The following TMTC4 variants were observed in gnomAD, a reference collection of about 807,000 sequenced individuals.
TMTC4 encodes the protein protein O-mannosyl-transferase TMTC4.
TMTC4 carries 65 observed loss-of-function variants against 86.0 expected under a neutral mutation model. That is an observed-to-expected ratio of 0.76 (90% CI 0.62 to 0.93). TMTC4 has a LOEUF of 0.93. Among genes scored for constraint, TMTC4 ranks in the 40% least tolerant of loss-of-function variants. TMTC4 has a pLI of 0.00. For synonymous variants in TMTC4, 379 were observed against 382.5 expected (o/e 0.99, Z 0.11); for missense variants, 866 against 948.1 (o/e 0.91, Z 1.14).
chr13:100,621,884 C>T (rs549078415), intron 15 of TMTC4, among the ~76,000 whole-genome samples: 1 of 152,188 alleles, frequency 6.6e-6, no homozygotes, highest in Non-Finnish European at 1.5e-5. Flanking sequence ...TCCTCCACCC[C>T]ACCCCTATTC....
intron 3 of TMTC4, among the ~76,000 whole-genome samples, chr13:100,664,648 C>A (rs886650172): frequency 1.3e-5 from 2 of 152,138 alleles, no homozygotes; most frequent in African/African-American, 4.8e-5. Context: ...GGGCTCTGCA[C>A]GTGCGGGTCA....
At chr13:100,660,115 G>C (rs933205289) in intron 5 of TMTC4, among the ~76,000 whole-genome samples, 4 of 151,660 alleles carry the variant, frequency 2.6e-5, no homozygotes, top group Admixed American at 2.6e-4. Flanking sequence ...TGGATCACTT[G>C]GGGCCAAGAG....
chr13:100,617,545 T>C (rs1402490324), intron 15 of TMTC4, among the ~76,000 whole-genome samples: 1 of 152,238 alleles, frequency 6.6e-6, no homozygotes, highest in African/African-American at 2.4e-5. Context: ...CTTTTGCGTA[T>C]GGCTAGCCAG....
intron 6 of TMTC4, among the ~76,000 whole-genome samples, chr13:100,645,534 T>C (rs141699482): frequency 0.012 from 1,790 of 151,054 alleles, 28 homozygotes; most frequent in African/African-American, 0.042. Context: ...CCTCTCCATG[T>C]CCCTGACTGC....
At chr13:100,648,821 A>C (rs1884070568) in intron 6 of TMTC4, among the ~76,000 whole-genome samples, 1 of 152,230 alleles carries the variant, frequency 6.6e-6, no homozygotes, top group Non-Finnish European at 1.5e-5. Context: ...CTGGGACCAC[A>C]GGCACATGCC....
intron 12 of TMTC4, among the ~76,000 whole-genome samples, chr13:100,628,469 C>T (rs192132831): frequency 2.6e-5 from 4 of 152,272 alleles, no homozygotes; most frequent in African/African-American, 7.2e-5. Context: ...GTGTACAAAT[C>T]TCTCTGAGTC....
chr13:100,669,341 A>G (rs1886782853), intron 2 of TMTC4, among the ~76,000 whole-genome samples: 1 of 152,074 alleles, frequency 6.6e-6, no homozygotes. Flanking sequence ...TCGAACAGAG[A>G]AATCCTAAGG....
chr13:100,611,226 T>G (rs913431587), intron 17 of TMTC4, among the ~76,000 whole-genome samples: 1 of 152,226 alleles, frequency 6.6e-6, no homozygotes, highest in African/African-American at 2.4e-5. Context: ...AAGGTATTTC[T>G]CTTAAGAAAC....
intron 2 of TMTC4, among the ~76,000 whole-genome samples, 194 bp from the exon 3 acceptor site, chr13:100,668,988 T>C (rs1369562735): frequency 6.6e-6 from 1 of 152,196 alleles, no homozygotes; most frequent in African/African-American, 2.4e-5. Flanking sequence ...GATTCCTGGG[T>C]CCGACCACAG....
In TMTC4 at chr13:100,642,286, G is replaced by A. The variant is rs755080970; in HGVS notation, c.666C>T (p.Ser222=). The part of the protein sequence containing the change: ...RESNKEGAHS[S]TFWVLLSIFL... ...AGATACTCAGCAGCACCCAGAAGGT[G>A]GAAGAATGCGCTCCCTCCTTGTTAC... Residue 222 remains serine, a synonymous_variant, in exon 7 of 19, where the codon TCC becomes TCT. Coordinates refer to ENST00000342624, the MANE Select transcript of TMTC4 (RefSeq NM_032813.5). 1.2e-6 allele frequency: 2 copies of A among 1,614,222 alleles called. No homozygotes were observed. Among genetic ancestry groups the A allele is most frequent in the South Asian group, 2.2e-5 (2 of 91,092 alleles).
Position 100,637,279 on chromosome 13 carries a change from CTGA to C in TMTC4, c.999+256_999+258del, listed in dbSNP as rs561152441. On this transcript the variant is annotated intron_variant, in intron 9 of 18. Transcript: ENST00000342624. ...CCCTTTCACGGGACTGGCAAGGACC[CTGA>C]TGTGAGAAGGAACCACCCTCTTTAC... Among the ~76,000 whole-genome samples, 291 of 152,164 alleles carry C rather than the reference CTGA, an allele frequency of 1.9e-3. 2 individuals are homozygous for C. Among genetic ancestry groups the C allele is most frequent in the Non-Finnish European group, 1.6e-3 (110 of 68,004 alleles).
intron 12 of TMTC4, among the ~76,000 whole-genome samples, chr13:100,629,402 T>C (rs1881012164): frequency 6.6e-6 from 1 of 151,988 alleles, no homozygotes; most frequent in African/African-American, 2.4e-5. Context: ...GTGATCGCGG[T>C]CTTTCCTCAC....
rs374396567 is a variant in TMTC4 at position 100,635,053 on chromosome 13, C to T, written c.1345G>A (p.Gly449Arg). ...TTCTTGGTATGTTTGCTCAGGGCTC[C>T]GAATCCAAAAGTCAGCAGCACACAG... Reference protein sequence around the residue: ...GYCVLLTFGFGALSKHTKKKK... With the variant: ...GYCVLLTFGFRALSKHTKKKK... The change falls in exon 11 of 19, where the codon GGA becomes AGA. Residue 449 changes from glycine (G) to arginine (R), a missense_variant. Transcript: ENST00000342624. 1.2e-5 allele frequency: 19 copies of T among 1,612,792 alleles called. No homozygotes were observed. Among genetic ancestry groups the T allele is most frequent in the African/African-American group, 2.7e-5 (2 of 74,824 alleles).
At position 100,619,355 on chromosome 13, in the gene TMTC4, A is replaced by ACC. The variant is rs1476010337; in HGVS notation, c.1837-4926_1837-4925insGG. On this transcript the variant is annotated intron_variant, in intron 15 of 18. Coordinates refer to ENST00000342624, the MANE Select transcript of TMTC4 (RefSeq NM_032813.5). Reference sequence around the variant, plus strand: ...CACACACACACACACACACACACACACACACACACACACACACACAGTGAT... The same window carrying ACC: ...CACACACACACACACACACACACACACCCACACACACACACACACACAGTGAT... 1.2e-4 allele frequency among the ~76,000 whole-genome samples: 18 copies of ACC among 151,918 alleles called. No homozygotes were observed. The East Asian group carries it at 2.9e-3, about 24-fold the overall frequency.
intron 3 of TMTC4, among the ~76,000 whole-genome samples, chr13:100,665,361 G>A (rs1028803685): frequency 6.6e-6 from 1 of 152,304 alleles, no homozygotes; most frequent in Non-Finnish European, 1.5e-5. Flanking sequence ...CACTTCCCCG[G>A]GTTGTCCATC....
At chr13:100,619,301 T>G (rs943538819) in intron 15 of TMTC4, among the ~76,000 whole-genome samples, 8 of 150,720 alleles carry the variant, frequency 5.3e-5, no homozygotes, top group Non-Finnish European at 1.0e-4. Context: ...AATGGCTAGC[T>G]CTCAATTTGC....
At chr13:100,643,843 T>C (rs1883355560) in intron 6 of TMTC4, among the ~76,000 whole-genome samples, 1 of 152,136 alleles carries the variant, frequency 6.6e-6, no homozygotes, top group Non-Finnish European at 1.5e-5. Flanking sequence ...GATGCAGTAG[T>C]CAAGTGGGTG....
At chr13:100,606,549 C>A (rs1371250823) in intron 17 of TMTC4, 122 bp from the exon 18 acceptor site, 2 of 768,060 alleles carry the variant, frequency 2.6e-6, no homozygotes, top group Non-Finnish European at 4.2e-6. Context: ...ATGCATTCCT[C>A]CAGAAACACT....
Position 100,666,078 on chromosome 13 carries a change from G to C in TMTC4, c.220-1742C>G, listed in dbSNP as rs2139049094. 2 of 456,416 alleles carry C rather than the reference G, an allele frequency of 4.4e-6. 1 individual carries two copies. The highest frequency in any genetic ancestry group is 4.7e-5 in the Admixed American group (2 of 42,532). The allele number at this position is 456,416 out of a possible 1,614,324, so 28.3% of individuals were successfully genotyped here. A position where few individuals can be genotyped will look rare whatever the true frequency, so the allele number is the denominator to read the frequency against. ...AACACCAACGAGGTTCTAAATATTTGATTAAGTGGAGCCTCCACAGCAGGG... is the reference window on the plus strand; with the variant it reads ...AACACCAACGAGGTTCTAAATATTTCATTAAGTGGAGCCTCCACAGCAGGG... On this transcript the variant is annotated intron_variant, in intron 3 of 18. Transcript: ENST00000342624.
Sources: allele counts gnomAD v4.1 joint callset (sites outside exome capture counted in the v4.1 genomes callset), GRCh38; gene constraint gnomAD v4.1.1; transcripts MANE v1.5; gene names NCBI Gene and HGNC (gene_info 2026-07-23, HGNC 2026-07-21).